Variants in RNGTT observed in about 807,000 individuals in gnomAD.
RNGTT encodes RNA guanylyltransferase and 5'-phosphatase.
A neutral mutation model predicts 79.3 loss-of-function variants in RNGTT; 33 were observed. The observed-to-expected ratio is 0.42, with a 90% CI of 0.32 to 0.56. The LOEUF (loss-of-function observed/expected upper bound fraction) is 0.56, where lower values mean the gene tolerates loss of function less well. Ranked by LOEUF, RNGTT falls within the 20% of genes least tolerant of loss-of-function variation. The probability of loss-of-function intolerance (pLI) is 0.17; values close to 1 mark genes in which losing one functional copy is unlikely to be tolerated. For synonymous variants in RNGTT, 222 were observed against 235.9 expected, an observed-to-expected ratio of 0.94 and a Z score of 0.54; for missense variants, 497 against 739.1, an observed-to-expected ratio of 0.67 and a Z score of 3.80.
At chr6:88,873,654 T>A (rs899474824) in intron 8 of RNGTT, among the ~76,000 whole-genome samples, 1 of 152,216 alleles carries the variant, frequency 6.6e-6, no homozygotes, top group African/African-American at 2.4e-5. Context: ...AAATTACATA[T>A]GTTTTTCGTG....
intron 14 of RNGTT, among the ~76,000 whole-genome samples, chr6:88,672,821 A>T (rs1412189725): frequency 6.6e-6 from 1 of 152,250 alleles, no homozygotes; most frequent in Non-Finnish European, 1.5e-5. Flanking sequence ...ACACATATTT[A>T]TATCTTTATG....
chr6:88,897,015 G>C (rs191944547), intron 6 of RNGTT, among the ~76,000 whole-genome samples: 3 of 152,194 alleles, frequency 2.0e-5, no homozygotes, highest in Admixed American at 1.3e-4. Context: ...CACATTGATT[G>C]AGTGCCGACA....
chr6:88,691,188 C>T (rs1243426216), intron 13 of RNGTT, among the ~76,000 whole-genome samples: 2 of 152,098 alleles, frequency 1.3e-5, no homozygotes, highest in African/African-American at 2.4e-5. Context: ...AATGAGTTCT[C>T]ACGAGACATG....
Position 88,647,701 on chromosome 6 carries a change from T to TAAAAAAAAAA in RNGTT, c.1506+30642_1506+30651dup, listed in dbSNP as rs746472579. Among the ~76,000 whole-genome samples the TAAAAAAAAAA allele has an allele frequency of 2.8e-3, 282 of 100,794 alleles. 5 individuals carry two copies. The highest frequency in any genetic ancestry group is 4.8e-3 in the Middle Eastern group (1 of 208). 66.1% of individuals were successfully genotyped at this position (100,794 alleles called of 152,430 possible). On this transcript the variant is annotated intron_variant, in intron 14 of 15. Coordinates refer to ENST00000369485, the MANE Select transcript of RNGTT (RefSeq NM_003800.5). ...CTGGGTGACAGAACCGACACCCTGT[T>TAAAAAAAAAA]AAAAAAAAAAAAAAAAGAAGAAGAA... is the stretch of plus-strand genomic sequence containing the variant.
intron 11 of RNGTT, among the ~76,000 whole-genome samples, chr6:88,841,119 CTTTATCTT>C (rs1312611823): frequency 1.3e-5 from 2 of 152,108 alleles, no homozygotes; most frequent in Non-Finnish European, 2.9e-5. Context: ...TAAATATTAA[CTTTATCTT>C]TACCCAACCT....
intron 14 of RNGTT, among the ~76,000 whole-genome samples, chr6:88,662,437 C>G (rs1027964829): frequency 2.0e-5 from 3 of 152,214 alleles, no homozygotes; most frequent in African/African-American, 7.2e-5. Flanking sequence ...TCACATGGAC[C>G]CCTCAGAGTT....
chr6:88,749,484 G>A (rs1582414253), intron 13 of RNGTT, among the ~76,000 whole-genome samples: 1 of 150,344 alleles, frequency 6.7e-6, no homozygotes, highest in African/African-American at 2.4e-5. Context: ...AAAAAAATAA[G>A]GAAAAAAATC....
chr6:88,817,472 T>C (rs368281548), intron 11 of RNGTT, among the ~76,000 whole-genome samples: 53 of 124,764 alleles, frequency 4.2e-4, no homozygotes, highest in African/African-American at 1.7e-3. Context: ...TCAGATCCTG[T>C]CTCTACAAAA....
chr6:88,963,512 T>C lies in RNGTT; in HGVS notation c.-103A>G. ...CACACCGGGGTCCGAGACACCCGAA[T>C]CGCAGCCGTAATCTGAATTCCAACC... On this transcript the variant is annotated 5_prime_UTR_variant, in exon 1 of 16. Transcript: ENST00000369485. 6 of 1,120,888 alleles carry C rather than the reference T, an allele frequency of 5.4e-6. No homozygotes were observed. The highest frequency in any genetic ancestry group is 6.1e-6 in the Non-Finnish European group (5 of 817,004). The allele number at this position is 1,120,888 out of a possible 1,614,324, so 69.4% of individuals were successfully genotyped here.
At chr6:88,708,411 A>T (rs1776211960) in intron 13 of RNGTT, among the ~76,000 whole-genome samples, 1 of 151,946 alleles carries the variant, frequency 6.6e-6, no homozygotes, top group African/African-American at 2.4e-5. Context: ...CAGAAAATGT[A>T]TCTCTGTTTG....
At chr6:88,833,718 T>C (rs1414024880) in intron 11 of RNGTT, among the ~76,000 whole-genome samples, 1 of 152,138 alleles carries the variant, frequency 6.6e-6, no homozygotes, top group Non-Finnish European at 1.5e-5. Flanking sequence ...CTCTTAATTA[T>C]TTTGGAGGCC....
chr6:88,913,371 A>G, intron 4 of RNGTT, among the ~76,000 whole-genome samples: 1 of 152,118 alleles, frequency 6.6e-6, no homozygotes, highest in South Asian at 2.1e-4. Flanking sequence ...CAAAACCAAC[A>G]TATTGTGATA....
At chr6:88,628,456 C>G (rs1186444101) in intron 14 of RNGTT, among the ~76,000 whole-genome samples, 1 of 152,120 alleles carries the variant, frequency 6.6e-6, no homozygotes, top group East Asian at 1.9e-4. Context: ...TATGTGTGAA[C>G]ATTCACATAT....
intron 12 of RNGTT, among the ~76,000 whole-genome samples, chr6:88,796,536 T>C (rs1405871120): frequency 6.6e-6 from 1 of 152,190 alleles, no homozygotes. Flanking sequence ...CAGACTTCAC[T>C]GATTGTTTGA....
chr6:88,734,412 A>C (rs1305235063), intron 13 of RNGTT, among the ~76,000 whole-genome samples: 1 of 152,178 alleles, frequency 6.6e-6, no homozygotes, highest in African/African-American at 2.4e-5. Flanking sequence ...TTTAAAAATG[A>C]AAAGAACAAG....
At chr6:88,739,247 C>A (rs990610309) in intron 13 of RNGTT, among the ~76,000 whole-genome samples, 3 of 151,940 alleles carry the variant, frequency 2.0e-5, no homozygotes, top group Non-Finnish European at 2.9e-5. Flanking sequence ...TTTATGGAAC[C>A]AAGAACTCTT....
chr6:88,887,089 ATCT>A, intron 8 of RNGTT, among the ~76,000 whole-genome samples: 1 of 149,146 alleles, frequency 6.7e-6, no homozygotes, highest in Admixed American at 6.7e-5. Flanking sequence ...ACTTACTGTT[ATCT>A]CCAGGCCCTC....
chr6:88,907,932 A>G (rs1444889099), intron 4 of RNGTT, among the ~76,000 whole-genome samples: 1 of 151,948 alleles, frequency 6.6e-6, no homozygotes, highest in Non-Finnish European at 1.5e-5. Context: ...ACAGGGTCTC[A>G]TTATGTTGCT....
chr6:88,924,324 T>C (rs545020638), intron 4 of RNGTT, among the ~76,000 whole-genome samples: 1 of 152,346 alleles, frequency 6.6e-6, no homozygotes, highest in East Asian at 1.9e-4. Context: ...AAAATTTTTT[T>C]CATGTTTCTT....
Sources: allele counts gnomAD v4.1 joint callset (sites outside exome capture counted in the v4.1 genomes callset), GRCh38; gene constraint gnomAD v4.1.1; transcripts MANE v1.5; gene names NCBI Gene and HGNC (gene_info 2026-07-23, HGNC 2026-07-21).